Variants in ZNF461 observed in about 807,000 individuals in gnomAD.
ZNF461 encodes the protein zinc finger protein 461.
Under a neutral mutation model 18.3 loss-of-function variants are expected in ZNF461, and 16 were observed. That is an observed-to-expected ratio of 0.88 (90% confidence interval 0.59 to 1.33). The LOEUF (loss-of-function observed/expected upper bound fraction) is 1.33. Ranked by LOEUF, ZNF461 falls within the 40% of genes most tolerant of loss-of-function variation. The probability of loss-of-function intolerance (pLI) is 0.00; values close to 1 mark genes in which losing one functional copy is unlikely to be tolerated. For missense variants in ZNF461, 595 were observed against 669.9 expected, an observed-to-expected ratio of 0.89 and a Z score of 1.23; for synonymous variants, 179 against 216.9, an observed-to-expected ratio of 0.83 and a Z score of 1.54.
chr19:36,665,357 G>C (rs1195369201), intron 1 of ZNF461, among the ~76,000 whole-genome samples: 1 of 152,168 alleles, frequency 6.6e-6, no homozygotes, highest in Non-Finnish European at 1.5e-5. Context: ...GAAACATCCT[G>C]AAAAATATTC....
chr19:36,644,806 A>G (rs2037495462), intron 4 of ZNF461, among the ~76,000 whole-genome samples: 1 of 152,020 alleles, frequency 6.6e-6, no homozygotes, highest in African/African-American at 2.4e-5. Context: ...CACGTTGGTC[A>G]GGCTGGTCTT....
chr19:36,661,862 G>A (rs933424479), intron 2 of ZNF461, among the ~76,000 whole-genome samples: 1 of 152,042 alleles, frequency 6.6e-6, no homozygotes, highest in Non-Finnish European at 1.5e-5. Flanking sequence ...ACATTTCCAA[G>A]TATTTCTTTT....
rs35168065 is a variant in ZNF461, at chr19:36,642,009, G to A, written c.301+1785C>T. The stretch of plus-strand genomic sequence containing the variant: ...TGCAATCACAGCTCACTGCAGGCCC[G>A]ACCTCCTGAGCTCAAGAAATCCTCC... On this transcript the variant is annotated intron_variant, in intron 5 of 5. Transcript: ENST00000588268. 3.6e-3 allele frequency among the ~76,000 whole-genome samples: 547 copies of A among 152,192 alleles called. 1 individual carries two copies. Among genetic ancestry groups the A allele is most frequent in the Non-Finnish European group, 6.1e-3 (416 of 68,000 alleles).
At chr19:36,657,206 C>T (rs564319729) in intron 3 of ZNF461, among the ~76,000 whole-genome samples, 59 of 151,634 alleles carry the variant, frequency 3.9e-4, no homozygotes, top group Non-Finnish European at 8.0e-4. Flanking sequence ...ACAGGTCAGG[C>T]GCGGTGGCTC....
At chr19:36,660,146 ATCT>A (rs1381147304) in intron 2 of ZNF461, among the ~76,000 whole-genome samples, 1 of 140,424 alleles carries the variant, frequency 7.1e-6, no homozygotes, top group Non-Finnish European at 1.5e-5. Flanking sequence ...CTTCTCTAAA[ATCT>A]TTTTTTTTTT....
intron 4 of ZNF461, among the ~76,000 whole-genome samples, chr19:36,655,604 A>C (rs1237101967): frequency 3.3e-5 from 5 of 152,136 alleles, no homozygotes; most frequent in Non-Finnish European, 5.9e-5. Flanking sequence ...CCCTGTCTCA[A>C]AACAAACAAA....
chr19:36,664,625 T>A, intron 2 of ZNF461, 73 bp downstream of exon 2: 1 of 1,222,974 alleles, frequency 8.2e-7, no homozygotes, highest in Non-Finnish European at 1.1e-6. Context: ...TCACATGCCC[T>A]ATACAAAAAA....
chr19:36,665,128 A>G (rs193024828), intron 1 of ZNF461, among the ~76,000 whole-genome samples: 1 of 152,338 alleles, frequency 6.6e-6, no homozygotes, highest in Admixed American at 6.5e-5. Context: ...ATTAAGAGGA[A>G]AAAGAAAAGG....
chr19:36,636,743 G>A lies in ZNF461; in HGVS notation c.*1910C>T, dbSNP rs2037298891. On this transcript the variant is annotated 3_prime_UTR_variant, in exon 6 of 6. Coordinates refer to ENST00000588268, the MANE Select transcript of ZNF461 (RefSeq NM_153257.5). ...TAGATCTAAGAAGCAGATGTTCAGG[G>A]GTGAAACAGTGAAAGGGGGGCAATG... 6.6e-6 allele frequency among the ~76,000 whole-genome samples: 1 copy of A among 152,184 alleles called. No homozygotes were observed. The highest frequency in any genetic ancestry group is 1.5e-5 in the Non-Finnish European group (1 of 68,030).
At chr19:36,648,345 G>C (rs1412517364) in intron 4 of ZNF461, among the ~76,000 whole-genome samples, 1 of 152,058 alleles carries the variant, frequency 6.6e-6, no homozygotes, top group African/African-American at 2.4e-5. Flanking sequence ...TATAAAGCCT[G>C]CAGAACCATG....
intron 2 of ZNF461, among the ~76,000 whole-genome samples, chr19:36,660,822 T>A (rs941158523): frequency 6.6e-6 from 1 of 151,928 alleles, no homozygotes; most frequent in Non-Finnish European, 1.5e-5. Flanking sequence ...CTTCAGTCTA[T>A]ATAGAAGAAT....
At chr19:36,660,694 ATT>A (rs775444468) in intron 2 of ZNF461, among the ~76,000 whole-genome samples, 126 of 139,106 alleles carry the variant, frequency 9.1e-4, no homozygotes, top group African/African-American at 2.9e-3. Context: ...GAAATAGTTG[ATT>A]TTTTTAAAAA....
chr19:36,640,050 G>C lies in ZNF461; in HGVS notation c.302-7C>G. On this transcript the variant is annotated splice_region_variant and splice_polypyrimidine_tract_variant and intron_variant, in intron 5 of 5. Transcript: ENST00000588268. ...TCATCTCTGGATGCCAAGTCTGAAA[G>C]ATAAGAAATATATTTTAACTCCTGG... 1 of 1,589,636 alleles carries C rather than the reference G, an allele frequency of 6.3e-7. No homozygotes were observed. Among genetic ancestry groups the C allele is most frequent in the Non-Finnish European group, 8.6e-7 (1 of 1,169,554 alleles).
intron 4 of ZNF461, among the ~76,000 whole-genome samples, chr19:36,645,795 A>C (rs1463682926): frequency 6.6e-6 from 1 of 151,906 alleles, no homozygotes; most frequent in East Asian, 1.9e-4. Context: ...TATTTTATTT[A>C]TTTTTTTGAG....
At chr19:36,649,040 G>A (rs2037579363) in intron 4 of ZNF461, among the ~76,000 whole-genome samples, 1 of 152,176 alleles carries the variant, frequency 6.6e-6, no homozygotes, top group Non-Finnish European at 1.5e-5. Context: ...GCCTACAAAA[G>A]TAGATCAGAT....
At chr19:36,657,297 A>G (rs1479127851) in intron 3 of ZNF461, among the ~76,000 whole-genome samples, 2 of 151,902 alleles carry the variant, frequency 1.3e-5, no homozygotes, top group African/African-American at 4.8e-5. Flanking sequence ...CCTGGCCAAC[A>G]TGGTGAAACC....
intron 1 of ZNF461, among the ~76,000 whole-genome samples, chr19:36,666,047 G>GCTC (rs1447322250): frequency 3.3e-5 from 5 of 151,820 alleles, no homozygotes; most frequent in Admixed American, 2.6e-4. Context: ...AGGAGTGGAA[G>GCTC]CTCTCTGCCT....
chr19:36,644,516 G>A (rs4572520), intron 4 of ZNF461, among the ~76,000 whole-genome samples: 99,766 of 150,886 alleles, frequency 0.66, 33,120 homozygotes, highest in East Asian at 0.8. Flanking sequence ...TGATCCTCCC[G>A]CCTTGGCCTC....
chr19:36,652,542 A>G (rs1213379783), intron 4 of ZNF461, among the ~76,000 whole-genome samples: 2 of 151,874 alleles, frequency 1.3e-5, no homozygotes, highest in Non-Finnish European at 2.9e-5. Context: ...CTAAAAAAGA[A>G]CATTGGAGAA....
Sources: gnomAD v4.1 joint callset for allele counts (sites outside exome capture counted in the v4.1 genomes callset) on GRCh38, gnomAD v4.1.1 for gene constraint, MANE v1.5 for transcripts, NCBI Gene and HGNC (gene_info 2026-07-23, HGNC 2026-07-21) for gene names.